EXT1: variants seen among roughly 807,000 people sequenced by gnomAD.
EXT1 encodes the protein exostosin-1.
Under a neutral mutation model 82.5 loss-of-function variants are expected in EXT1, and 20 were observed. That is an observed-to-expected ratio of 0.24 (90% CI 0.17 to 0.35). The LOEUF (loss-of-function observed/expected upper bound fraction) is 0.35, where lower values mean the gene tolerates loss of function less well. Ranked by LOEUF, EXT1 falls within the 10% of genes least tolerant of loss-of-function variation. The pLI, the probability that EXT1 is intolerant of heterozygous loss-of-function variation, is 1.00. For synonymous variants in EXT1, 348 were observed against 350.8 expected (o/e 0.99, Z 0.09); for missense variants, 757 against 936.5 (o/e 0.81, Z 2.50).
chr8:118,063,967 A>G (rs182816611), intron 1 of EXT1, among the ~76,000 whole-genome samples: 41 of 152,248 alleles, frequency 2.7e-4, no homozygotes, highest in African/African-American at 9.9e-4. Context: ...CCCTGGTTCA[A>G]GCGATTCTCC....
chr8:117,851,378 CA>C (rs138600020), intron 1 of EXT1, among the ~76,000 whole-genome samples: 7,866 of 140,968 alleles, frequency 0.056, 206 homozygotes, highest in East Asian at 0.13. Context: ...TTTAAAAAGA[CA>C]AAAAAAAAAA....
At chr8:118,109,452 T>G in intron 1 of EXT1, among the ~76,000 whole-genome samples, 1 of 151,540 alleles carries the variant, frequency 6.6e-6, no homozygotes. Flanking sequence ...AATGCATGCA[T>G]GCATGCATGC....
chr8:117,845,607 CTT>C (rs1185387247), intron 1 of EXT1, among the ~76,000 whole-genome samples: 1 of 151,706 alleles, frequency 6.6e-6, no homozygotes, highest in East Asian at 1.9e-4. Context: ...TTTTTAAAAA[CTT>C]TTTTTAAATT....
intron 1 of EXT1, among the ~76,000 whole-genome samples, chr8:117,978,094 C>T (rs1209641149): frequency 6.6e-6 from 1 of 152,200 alleles, no homozygotes; most frequent in East Asian, 1.9e-4. Context: ...CTTCTATCTG[C>T]TCTGTCCCCA....
intron 1 of EXT1, among the ~76,000 whole-genome samples, chr8:117,887,438 G>A (rs1336345832): frequency 6.6e-6 from 1 of 152,076 alleles, no homozygotes; most frequent in Non-Finnish European, 1.5e-5. Flanking sequence ...TGCAACCTCC[G>A]CCTCCCAGGT....
intron 1 of EXT1, among the ~76,000 whole-genome samples, chr8:118,038,850 C>G (rs1816473172): frequency 6.6e-6 from 1 of 152,216 alleles, no homozygotes; most frequent in African/African-American, 2.4e-5. Context: ...TGTACATGCA[C>G]CATGGCCTGA....
chr8:117,855,398 ATTGTTATT>A (rs1812524461), intron 1 of EXT1, among the ~76,000 whole-genome samples: 1 of 152,074 alleles, frequency 6.6e-6, no homozygotes, highest in Non-Finnish European at 1.5e-5. Context: ...CAAAACTTTT[ATTGTTATT>A]GTATGTTAGG....
intron 1 of EXT1, among the ~76,000 whole-genome samples, chr8:117,873,293 G>A (rs184612403): frequency 1.3e-5 from 2 of 152,182 alleles, no homozygotes; most frequent in East Asian, 1.9e-4. Flanking sequence ...CAGTTAAAAC[G>A]TGGATTGGTC....
intron 1 of EXT1, among the ~76,000 whole-genome samples, chr8:118,056,121 C>A (rs949431435): frequency 6.6e-6 from 1 of 152,162 alleles, no homozygotes; most frequent in Non-Finnish European, 1.5e-5. Context: ...TAAAAGTTTA[C>A]GAATTTGTGT....
At position 118,078,558 on chromosome 8, in the gene EXT1, G is replaced by GA. The variant is rs112351837; in HGVS notation, c.962+31526dup. The stretch of plus-strand genomic sequence containing the variant: ...CTAGGTCATGACCATTTTTTGGTGG[G>GA]AAAAAAAAAAAAAAGCTTAGTCCCA... On this transcript the variant is annotated intron_variant, in intron 1 of 10. Transcript: ENST00000378204. Among the ~76,000 whole-genome samples the GA allele has an allele frequency of 2.1e-3, 267 of 129,888 alleles. 1 individual carries two copies. The highest frequency in any genetic ancestry group is 5.7e-3 in the South Asian group (23 of 4,048). 85.2% of individuals were successfully genotyped at this position (129,888 alleles called of 152,430 possible).
intron 1 of EXT1, among the ~76,000 whole-genome samples, chr8:117,920,061 G>A (rs1175714154): frequency 6.6e-6 from 1 of 152,080 alleles, no homozygotes; most frequent in African/African-American, 2.4e-5. Flanking sequence ...AGGTTAAAGA[G>A]AGAACAAAGA....
intron 1 of EXT1, among the ~76,000 whole-genome samples, chr8:117,870,780 C>CATA (rs924283523): frequency 5.3e-5 from 8 of 151,044 alleles, no homozygotes; most frequent in African/African-American, 2.0e-4. Flanking sequence ...CTTGGTGTCC[C>CATA]GTATCCACAT....
chr8:118,067,524 TA>T (rs1817013914), intron 1 of EXT1, among the ~76,000 whole-genome samples: 1 of 152,202 alleles, frequency 6.6e-6, no homozygotes, highest in Non-Finnish European at 1.5e-5. Flanking sequence ...ACATAGTACA[TA>T]ACAGAGCCTA....
intron 4 of EXT1, among the ~76,000 whole-genome samples, chr8:117,829,909 C>T (rs1812070158): frequency 6.6e-6 from 1 of 151,998 alleles, no homozygotes; most frequent in South Asian, 2.1e-4. Flanking sequence ...AGAAATATGT[C>T]TTCGAAGGAT....
At chr8:117,917,059 A>G (rs1268426156) in intron 1 of EXT1, among the ~76,000 whole-genome samples, 1 of 152,230 alleles carries the variant, frequency 6.6e-6, no homozygotes. Context: ...CAAAATTGTA[A>G]TATCAGTAAT....
chr8:117,812,706 G>A (rs1586993011), intron 8 of EXT1, among the ~76,000 whole-genome samples, 166 bp downstream of exon 8: 1 of 152,236 alleles, frequency 6.6e-6, no homozygotes, highest in East Asian at 1.9e-4. Context: ...CCAGGTGGCA[G>A]CAAGGTGCTA....
rs1815384915 is a variant in EXT1, at chr8:117,989,239, T to G, written c.962+120846A>C. On this transcript the variant is annotated intron_variant, in intron 1 of 10. Transcript: ENST00000378204. ...AGCTCTAAAATACAAAAGGAATTCC[T>G]CCCCCCACCCCCATCCCACTGCCTC... Among the ~76,000 whole-genome samples, 11 of 146,542 alleles carry G rather than the reference T, an allele frequency of 7.5e-5. No homozygotes were observed. The East Asian group carries it at 1.0e-3, about 14-fold the overall frequency.
chr8:117,944,153 G>C (rs1814340789), intron 1 of EXT1, among the ~76,000 whole-genome samples: 1 of 152,182 alleles, frequency 6.6e-6, no homozygotes, highest in African/African-American at 2.4e-5. Context: ...TGTAATCCCA[G>C]CACTTTGGGA....
chr8:118,061,918 C>T (rs1307398681), intron 1 of EXT1, among the ~76,000 whole-genome samples: 4 of 152,086 alleles, frequency 2.6e-5, no homozygotes, highest in Admixed American at 2.0e-4. Context: ...AGAAGTGGAG[C>T]AACTGGATAA....
Sources: gnomAD v4.1 joint callset for allele counts (sites outside exome capture counted in the v4.1 genomes callset) on GRCh38, gnomAD v4.1.1 for gene constraint, MANE v1.5 for transcripts, NCBI Gene and HGNC (gene_info 2026-07-23, HGNC 2026-07-21) for gene names.